RAD17: variants seen among roughly 807,000 people sequenced by gnomAD.
The protein encoded by RAD17 is RAD17 checkpoint clamp loader component, also known as cell cycle checkpoint protein RAD17.
RAD17 carries 31 observed loss-of-function variants against 81.5 expected under a neutral mutation model. The observed-to-expected ratio is 0.38, with a 90% CI of 0.29 to 0.51. The LOEUF (loss-of-function observed/expected upper bound fraction) is 0.51, where lower values mean the gene tolerates loss of function less well. Ranked by LOEUF, RAD17 falls within the 20% of genes least tolerant of loss-of-function variation. The pLI, the probability that RAD17 is intolerant of heterozygous loss-of-function variation, is 0.88. For synonymous variants in RAD17, 261 were observed against 266.2 expected, an observed-to-expected ratio of 0.98 and a Z score of 0.19; for missense variants, 681 against 781.2, an observed-to-expected ratio of 0.87 and a Z score of 1.53.
chr5:69,387,894 T>C (rs1764314197), intron 11 of RAD17, among the ~76,000 whole-genome samples: 1 of 152,062 alleles, frequency 6.6e-6, no homozygotes, highest in South Asian at 2.1e-4. Context: ...GGCATGGTGG[T>C]GTGCTCCTGT....
chr5:69,403,586 T>C (rs1765407115), intron 17 of RAD17, among the ~76,000 whole-genome samples: 1 of 152,220 alleles, frequency 6.6e-6, no homozygotes, highest in Non-Finnish European at 1.5e-5. Context: ...ATTTAGTCTT[T>C]AATCCTTTCT....
chr5:69,379,497 A>G (rs1332848408), intron 6 of RAD17, among the ~76,000 whole-genome samples: 1 of 152,190 alleles, frequency 6.6e-6, no homozygotes, highest in East Asian at 1.9e-4. Context: ...CTTTTTGTAA[A>G]GGCCATGTGA....
intron 17 of RAD17, among the ~76,000 whole-genome samples, chr5:69,405,791 C>T (rs113516461): frequency 3.2e-4 from 48 of 152,180 alleles, no homozygotes; most frequent in African/African-American, 1.1e-3. Flanking sequence ...CCTGTAATCC[C>T]AGCACTTTGG....
At position 69,372,112 on chromosome 5, in the gene RAD17, A is replaced by G. The variant is rs1320764392; in HGVS notation, c.-97A>G. The G allele has an allele frequency of 2.6e-5, 38 of 1,472,490 alleles. No individual in the cohort carries two copies. The highest frequency in any genetic ancestry group is 3.5e-5 in the Non-Finnish European group (38 of 1,091,144). The allele number at this position is 1,472,490 out of a possible 1,614,324, so 91.2% of individuals were successfully genotyped here. On this transcript the variant is annotated 5_prime_UTR_variant, in exon 4 of 19. Coordinates refer to ENST00000354868, the MANE Select transcript of RAD17 (RefSeq NM_133338.3). The stretch of plus-strand genomic sequence containing the variant: ...TTTGCAAATCAGAATTGCTGTCGAA[A>G]GTTTTACTATAATGAAAGATATTTT...
At chr5:69,395,625 A>T (rs765033331) in intron 15 of RAD17, among the ~76,000 whole-genome samples, 17 of 152,184 alleles carry the variant, frequency 1.1e-4, no homozygotes, top group Admixed American at 2.0e-4. Context: ...TACACATTGT[A>T]TGCTGGTATC....
chr5:69,382,416 G>T (rs142829007), intron 7 of RAD17, among the ~76,000 whole-genome samples: 6 of 152,300 alleles, frequency 3.9e-5, no homozygotes, highest in Admixed American at 2.6e-4. Context: ...TCGTGCTCCA[G>T]CCTGGGCAAC....
chr5:69,376,685 G>C (rs187681784), intron 6 of RAD17, among the ~76,000 whole-genome samples: 40 of 152,164 alleles, frequency 2.6e-4, no homozygotes, highest in Admixed American at 1.6e-3. Context: ...GTTTACATTA[G>C]GTCTTTCCTT....
At chr5:69,393,117 A>T (rs1286785227) in intron 13 of RAD17, 38 bp from the exon 14 acceptor site, 5 of 1,367,354 alleles carry the variant, frequency 3.7e-6, no homozygotes, top group Non-Finnish European at 4.1e-6. Context: ...AATTATAAAG[A>T]AGGTATTATC....
Position 69,386,424 on chromosome 5 carries a change from A to G in RAD17, c.853A>G (p.Met285Val). ...SFNPVAPTIM[M>V]KFLNRIVTIE... is the part of the protein sequence containing the mutation. ...CAACCCTGTGGCACCAACAATTATGATGAAATTTCTTAATCGAATAGTGAC... is the reference window on the plus strand; with the variant it reads ...CAACCCTGTGGCACCAACAATTATGGTGAAATTTCTTAATCGAATAGTGAC... Residue 285 changes from methionine to valine, a missense_variant, in exon 11 of 19, where the codon ATG (methionine) becomes GTG (valine). Met to Val is a conservative substitution (Grantham distance 21). Coordinates refer to ENST00000354868, the MANE Select transcript of RAD17 (RefSeq NM_133338.3). 6.3e-7 allele frequency: 1 copy of G among 1,599,292 alleles called. No individual in the cohort carries two copies. Among genetic ancestry groups the G allele is most frequent in the Non-Finnish European group, 8.5e-7 (1 of 1,174,678 alleles).
At chr5:69,370,451 T>C (rs1433480726) in intron 1 of RAD17, among the ~76,000 whole-genome samples, 1 of 152,154 alleles carries the variant, frequency 6.6e-6, no homozygotes, top group Non-Finnish European at 1.5e-5. Context: ...GTGATTCTCC[T>C]GCCTTAGCCT....
intron 18 of RAD17, 101 bp downstream of exon 18, chr5:69,410,651 C>A: frequency 9.7e-7 from 1 of 1,032,972 alleles, no homozygotes; most frequent in Non-Finnish European, 1.5e-6. Context: ...CCAAGAAAGA[C>A]ATACTGTACC....
intron 17 of RAD17, among the ~76,000 whole-genome samples, chr5:69,403,089 T>C (rs911578115): frequency 1.3e-5 from 2 of 152,190 alleles, no homozygotes; most frequent in African/African-American, 4.8e-5. Flanking sequence ...TCCTCTTGCC[T>C]CAGCCTCCCA....
intron 17 of RAD17, among the ~76,000 whole-genome samples, chr5:69,408,360 C>CT (rs1206211885): frequency 6.6e-6 from 1 of 152,094 alleles, no homozygotes; most frequent in Non-Finnish European, 1.5e-5. Flanking sequence ...AAGCCTTCCT[C>CT]CCTCTTCAGA....
Position 69,391,920 on chromosome 5 carries a change from A to C in RAD17, c.1096A>C (p.Arg366=). 3 of 1,596,860 alleles carry C rather than the reference A, an allele frequency of 1.9e-6. No homozygotes were observed. The highest frequency in any genetic ancestry group is 2.6e-6 in the Non-Finnish European group (3 of 1,174,472). ...ATCAAAACGAAGAAAAAAACCTGATAGGGTTTTTGAAAATCAAGAGGTCCA... is the reference window on the plus strand; with the variant it reads ...ATCAAAACGAAGAAAAAAACCTGATCGGGTTTTTGAAAATCAAGAGGTCCA... ...SKSKRRKKPD[R]VFENQEVQAI... Residue 366 remains arginine (R), a synonymous_variant, in exon 13 of 19, where the codon AGG becomes CGG. Coordinates refer to ENST00000354868, the MANE Select transcript of RAD17 (RefSeq NM_133338.3).
Position 69,372,109 on chromosome 5 carries a change from G to C in RAD17, c.-100G>C, listed in dbSNP as rs982314255. 1 of 1,462,208 alleles carries C rather than the reference G, an allele frequency of 6.8e-7. No homozygotes were observed. The highest frequency in any genetic ancestry group is 9.2e-7 in the Non-Finnish European group (1 of 1,084,744). The allele number at this position is 1,462,208 out of a possible 1,614,324, so 90.6% of individuals were successfully genotyped here. ...TAATTTGCAAATCAGAATTGCTGTC[G>C]AAAGTTTTACTATAATGAAAGATAT... On this transcript the variant is annotated 5_prime_UTR_variant, in exon 4 of 19. Transcript: ENST00000354868.
rs113685690 is a variant in RAD17, at chr5:69,375,831, C to CT, written c.351+1131dup. ...CATTTGGCTGTTATATATCTTAGGCCTTTTTTTTTTTCCCTGAATCTAATA... is the reference window on the plus strand; with the variant it reads ...CATTTGGCTGTTATATATCTTAGGCCTTTTTTTTTTTTCCCTGAATCTAATA... On this transcript the variant is annotated intron_variant, in intron 6 of 18. Coordinates refer to ENST00000354868, the MANE Select transcript of RAD17 (RefSeq NM_133338.3). Among the ~76,000 whole-genome samples the CT allele has an allele frequency of 2.8e-4, 41 of 144,602 alleles. 1 individual carries two copies. Among genetic ancestry groups the CT allele is most frequent in the South Asian group, 1.1e-3 (5 of 4,608 alleles). The allele number at this position is 144,602 out of a possible 152,430, so 94.9% of individuals were successfully genotyped here. A position where few individuals can be genotyped will look rare whatever the true frequency, so the allele number is the denominator to read the frequency against.
intron 7 of RAD17, among the ~76,000 whole-genome samples, chr5:69,384,544 G>C (rs1764056969): frequency 6.6e-6 from 1 of 152,190 alleles, no homozygotes; most frequent in Admixed American, 6.5e-5. Flanking sequence ...TTGAATTCCT[G>C]AGGTCAAGCG....
At position 69,377,559 on chromosome 5, in the gene RAD17, G is replaced by GTATACA. The variant is rs1185207125; in HGVS notation, c.351+2852_351+2853insCATATA. Among the ~76,000 whole-genome samples the GTATACA allele has an allele frequency of 2.0e-4, 2 of 10,208 alleles. 1 individual carries two copies. The highest frequency in any genetic ancestry group is 7.1e-4 in the Non-Finnish European group (2 of 2,814). 6.7% of individuals were successfully genotyped at this position (10,208 alleles called of 152,430 possible). On this transcript the variant is annotated intron_variant, in intron 6 of 18. Coordinates refer to ENST00000354868, the MANE Select transcript of RAD17 (RefSeq NM_133338.3). ...TATACGTATATATATGCATATATAT[G>GTATACA]TATATATATATGCATATATATGTAT...
At chr5:69,392,806 C>T (rs1764629581) in intron 13 of RAD17, 2 of 460,560 alleles carry the variant, frequency 4.3e-6, no homozygotes, top group Non-Finnish European at 4.3e-6. Flanking sequence ...TAGAGAGCAA[C>T]ATCTTCCTAC....
Sources: allele counts gnomAD v4.1 joint callset (sites outside exome capture counted in the v4.1 genomes callset), GRCh38; gene constraint gnomAD v4.1.1; transcripts MANE v1.5; gene names NCBI Gene and HGNC (gene_info 2026-07-23, HGNC 2026-07-21).